The following UVRAG variants were observed in gnomAD, a reference collection of about 807,000 sequenced individuals.
The protein encoded by UVRAG is UV radiation resistance-associated gene protein.
UVRAG carries 19 observed loss-of-function variants against 78.0 expected under a neutral mutation model. That is an observed-to-expected ratio of 0.24 (90% CI 0.17 to 0.36). The LOEUF is 0.36. UVRAG is among the 10% of genes least tolerant of loss of function. The probability of loss-of-function intolerance (pLI) is 1.00; values close to 1 mark genes in which losing one functional copy is unlikely to be tolerated. For missense variants in UVRAG, 740 were observed against 853.8 expected (o/e 0.87, Z 1.66); for synonymous variants, 323 against 324.6 (o/e 1.00, Z 0.05).
At chr11:76,088,059 A>G (rs1951623143) in intron 13 of UVRAG, among the ~76,000 whole-genome samples, 1 of 152,148 alleles carries the variant, frequency 6.6e-6, no homozygotes, top group Admixed American at 6.5e-5. Flanking sequence ...ATGCCACCAC[A>G]CCTGGCTGAT....
intron 13 of UVRAG, among the ~76,000 whole-genome samples, chr11:76,069,640 A>C (rs57372160): frequency 0.092 from 14,045 of 152,264 alleles, 1,445 homozygotes; most frequent in African/African-American, 0.26. Flanking sequence ...GGAGCCTTAT[A>C]GTTTGTAAAG....
At chr11:76,056,784 T>G (rs1253516957) in intron 12 of UVRAG, among the ~76,000 whole-genome samples, 1 of 152,198 alleles carries the variant, frequency 6.6e-6, no homozygotes, top group Non-Finnish European at 1.5e-5. Context: ...GTTATCTTTT[T>G]TGTGTGTGTA....
chr11:75,874,641 G>A (rs1946725282), intron 3 of UVRAG, among the ~76,000 whole-genome samples: 1 of 152,192 alleles, frequency 6.6e-6, no homozygotes, highest in African/African-American at 2.4e-5. Context: ...GCTAGAATAA[G>A]CATTCTCTAT....
chr11:76,008,746 A>T, intron 10 of UVRAG, 61 bp from the exon 11 acceptor site: 1 of 953,498 alleles, frequency 1.0e-6, no homozygotes, highest in Non-Finnish European at 1.6e-6. Context: ...TGCTGATCTG[A>T]GATTTAACTT....
intron 13 of UVRAG, among the ~76,000 whole-genome samples, chr11:76,074,075 T>G (rs928961048): frequency 7.2e-5 from 11 of 152,214 alleles, no homozygotes; most frequent in African/African-American, 2.7e-4. Flanking sequence ...TATTAACAAG[T>G]AATAGATTGC....
chr11:75,976,317 T>A (rs546978206), intron 7 of UVRAG, among the ~76,000 whole-genome samples: 2 of 152,316 alleles, frequency 1.3e-5, no homozygotes, highest in Non-Finnish European at 2.9e-5. Flanking sequence ...GGGATATTGA[T>A]CTAAAATTCT....
intron 12 of UVRAG, 109 bp downstream of exon 12, chr11:76,017,089 C>A: frequency 2.7e-6 from 2 of 747,218 alleles, no homozygotes; most frequent in Non-Finnish European, 3.8e-6. Context: ...TTTTATATAA[C>A]CTTTGTAGAG....
At chr11:76,028,517 GA>G (rs1170222976) in intron 12 of UVRAG, among the ~76,000 whole-genome samples, 2 of 152,110 alleles carry the variant, frequency 1.3e-5, no homozygotes, top group East Asian at 3.9e-4. Context: ...AAATTCAAAG[GA>G]AAAGTCCTTG....
intron 12 of UVRAG, among the ~76,000 whole-genome samples, chr11:76,045,112 A>G (rs1591171346): frequency 6.6e-6 from 1 of 152,212 alleles, no homozygotes; most frequent in Non-Finnish European, 1.5e-5. Context: ...TCACTTCACC[A>G]GCAGAAAACC....
intron 13 of UVRAG, among the ~76,000 whole-genome samples, chr11:76,069,570 C>G (rs753681035): frequency 2.6e-5 from 4 of 152,078 alleles, no homozygotes; most frequent in Non-Finnish European, 5.9e-5. Context: ...GCTTTTAATT[C>G]TCAGAGCATA....
At chr11:75,920,874 A>G (rs998101001) in intron 6 of UVRAG, among the ~76,000 whole-genome samples, 11 of 152,234 alleles carry the variant, frequency 7.2e-5, no homozygotes, top group African/African-American at 2.4e-4. Context: ...CTATGCATAC[A>G]TTCCTCTAAT....
intron 5 of UVRAG, among the ~76,000 whole-genome samples, chr11:75,902,326 G>A (rs1279434732): frequency 6.6e-6 from 1 of 152,130 alleles, no homozygotes; most frequent in African/African-American, 2.4e-5. Context: ...TCAGGCATTA[G>A]TTAGATTTTC....
At chr11:76,016,711 G>A in intron 11 of UVRAG, 104 bp from the exon 12 acceptor site, 5 of 1,039,156 alleles carry the variant, frequency 4.8e-6, no homozygotes, top group Non-Finnish European at 6.5e-6. Flanking sequence ...AATATTTTAT[G>A]TACCACATAT....
chr11:76,024,501 T>C (rs1591146344), intron 12 of UVRAG, among the ~76,000 whole-genome samples: 1 of 152,214 alleles, frequency 6.6e-6, no homozygotes, highest in African/African-American at 2.4e-5. Flanking sequence ...GATTTTGATA[T>C]ATACATTTTG....
intron 6 of UVRAG, among the ~76,000 whole-genome samples, chr11:75,954,565 T>C (rs1948759005): frequency 6.6e-6 from 1 of 152,236 alleles, no homozygotes; most frequent in Admixed American, 6.5e-5. Flanking sequence ...TCTAGGAAAC[T>C]ACCACACTGA....
At chr11:75,836,657 C>T (rs973001102) in intron 1 of UVRAG, among the ~76,000 whole-genome samples, 12 of 152,138 alleles carry the variant, frequency 7.9e-5, no homozygotes, top group Admixed American at 6.5e-4. Flanking sequence ...AAGCAGCTTC[C>T]CTCTCCTGTG....
chr11:76,068,353 G>A (rs1402413936), intron 13 of UVRAG, among the ~76,000 whole-genome samples: 1 of 152,172 alleles, frequency 6.6e-6, no homozygotes, highest in Non-Finnish European at 1.5e-5. Flanking sequence ...TGCTGACCTA[G>A]TTTTACTCAT....
intron 14 of UVRAG, among the ~76,000 whole-genome samples, chr11:76,133,659 C>A (rs1041418963): frequency 6.6e-6 from 1 of 152,128 alleles, no homozygotes; most frequent in African/African-American, 2.4e-5. Context: ...TTAAAAAATT[C>A]TCTCTTCCTG....
chr11:75,907,057 C>A (rs1440202299), intron 5 of UVRAG, among the ~76,000 whole-genome samples: 1 of 152,140 alleles, frequency 6.6e-6, no homozygotes, highest in African/African-American at 2.4e-5. Flanking sequence ...AACAAGGCTG[C>A]TGGAATTTTG....
Sources: allele counts gnomAD v4.1 joint callset (sites outside exome capture counted in the v4.1 genomes callset), GRCh38; gene constraint gnomAD v4.1.1; transcripts MANE v1.5; gene names NCBI Gene and HGNC (gene_info 2026-07-23, HGNC 2026-07-21).